Variants in MICAL3 observed in about 807,000 individuals in gnomAD.
The protein encoded by MICAL3 is [F-actin]-monooxygenase MICAL3.
MICAL3 carries 62 observed loss-of-function variants against 207.4 expected under a neutral mutation model. The observed-to-expected ratio is 0.30, with a 90% CI of 0.24 to 0.37. MICAL3 has a LOEUF of 0.37. Among genes scored for constraint, MICAL3 ranks in the 10% least tolerant of loss-of-function variants. The probability of loss-of-function intolerance (pLI) is 1.00; values close to 1 mark genes in which losing one functional copy is unlikely to be tolerated. For synonymous variants in MICAL3, 1,077 were observed against 1,069.3 expected, an observed-to-expected ratio of 1.01 and a Z score of -0.14; for missense variants, 2,368 against 2,635.6, an observed-to-expected ratio of 0.90 and a Z score of 2.22.
At chr22:17,906,923 C>T (rs1245682452) in intron 1 of MICAL3, 37 bp from the exon 2 acceptor site, 5 of 1,094,334 alleles carry the variant, frequency 4.6e-6, no homozygotes, top group African/African-American at 3.1e-5. Context: ...TAGCATTTCT[C>T]TGTCTACAAA....
chr22:17,790,527 A>G lies in MICAL3; in HGVS notation c.*205T>C, dbSNP rs373401983. 8 of 585,442 alleles carry G rather than the reference A, an allele frequency of 1.4e-5. No homozygotes were observed. Among genetic ancestry groups the G allele is most frequent in the African/African-American group, 5.6e-5 (3 of 53,800 alleles). 36.3% of individuals were successfully genotyped at this position (585,442 alleles called of 1,614,324 possible). ...GGGAGGTCCAGGTGGGCCTCCTCCC[A>G]GGAGGTGGAGCCGTCTCAGATAACC... On this transcript the variant is annotated 3_prime_UTR_variant, in exon 32 of 32. Transcript: ENST00000441493.
At chr22:18,018,432 T>G (rs1482375745) in intron 1 of MICAL3, among the ~76,000 whole-genome samples, 1 of 152,260 alleles carries the variant, frequency 6.6e-6, no homozygotes, top group Non-Finnish European at 1.5e-5. Flanking sequence ...AACAAAAATA[T>G]ACATATACAG....
chr22:17,997,917 C>T (rs1439045939), intron 1 of MICAL3, among the ~76,000 whole-genome samples: 1 of 143,916 alleles, frequency 6.9e-6, no homozygotes, highest in East Asian at 1.9e-4. Context: ...ATCTTTAAGT[C>T]CTTCCGCTTC....
chr22:17,939,835 C>A (rs551183292), intron 1 of MICAL3, among the ~76,000 whole-genome samples: 1 of 152,298 alleles, frequency 6.6e-6, no homozygotes, highest in African/African-American at 2.4e-5. Flanking sequence ...CCAAAAAGAG[C>A]TACTCTACGC....
chr22:17,996,301 G>A (rs920627398), intron 1 of MICAL3, among the ~76,000 whole-genome samples: 3 of 151,736 alleles, frequency 2.0e-5, no homozygotes, highest in East Asian at 1.9e-4. Context: ...AAAATTAGCC[G>A]GGCATGGTGG....
chr22:17,794,427 G>A (rs2061854824), intron 29 of MICAL3, among the ~76,000 whole-genome samples: 1 of 152,280 alleles, frequency 6.6e-6, no homozygotes, highest in African/African-American at 2.4e-5. Flanking sequence ...GACAAGTGCA[G>A]GGCAAGGAGG....
At chr22:17,969,468 G>A (rs943376379) in intron 1 of MICAL3, among the ~76,000 whole-genome samples, 3 of 152,272 alleles carry the variant, frequency 2.0e-5, no homozygotes, top group African/African-American at 7.2e-5. Flanking sequence ...TGGAATGACA[G>A]TGTCCATCTG....
chr22:17,996,125 G>A (rs1922246520), intron 1 of MICAL3, among the ~76,000 whole-genome samples: 1 of 114,524 alleles, frequency 8.7e-6, no homozygotes, highest in African/African-American at 3.5e-5. Flanking sequence ...GTGAGATGCT[G>A]TCTCAATTTA....
chr22:18,007,850 G>C (rs985204391), intron 1 of MICAL3, among the ~76,000 whole-genome samples: 5 of 149,908 alleles, frequency 3.3e-5, no homozygotes, highest in African/African-American at 2.5e-5. Context: ...GTGAACCCGG[G>C]GGGTGGAGCT....
At chr22:17,973,973 C>T (rs1935528591) in intron 1 of MICAL3, among the ~76,000 whole-genome samples, 1 of 152,126 alleles carries the variant, frequency 6.6e-6, no homozygotes, top group Non-Finnish European at 1.5e-5. Context: ...GTCCCCTGAG[C>T]TCCTCCTCCT....
At chr22:17,836,066 C>T (rs559831925) in intron 20 of MICAL3, among the ~76,000 whole-genome samples, 47 of 152,284 alleles carry the variant, frequency 3.1e-4, no homozygotes, top group African/African-American at 1.1e-3. Flanking sequence ...TACCCAGCTA[C>T]TCAACTCAAA....
chr22:17,978,025 A>G (rs1935734880), intron 1 of MICAL3, among the ~76,000 whole-genome samples: 1 of 150,590 alleles, frequency 6.6e-6, no homozygotes, highest in South Asian at 2.1e-4. Context: ...TCTGTCTCAT[A>G]AAAAATAAAT....
chr22:17,860,712 T>C, intron 19 of MICAL3: 2 of 985,404 alleles, frequency 2.0e-6, no homozygotes, highest in Non-Finnish European at 2.4e-6. Flanking sequence ...AGCAGCCCCC[T>C]GCGTTCCTAG....
chr22:17,898,153 TTCTAGAC>T (rs1931012454), intron 7 of MICAL3, among the ~76,000 whole-genome samples: 3 of 151,714 alleles, frequency 2.0e-5, no homozygotes, highest in Non-Finnish European at 2.9e-5. Context: ...TCTCTTGGCA[TTCTAGAC>T]TGCTCCTATC....
intron 16 of MICAL3, chr22:17,875,633 T>C: frequency 2.5e-6 from 2 of 800,230 alleles, no homozygotes; most frequent in Non-Finnish European, 2.0e-6. Flanking sequence ...GAACATAAGA[T>C]GGTTGTAGAG....
intron 1 of MICAL3, among the ~76,000 whole-genome samples, chr22:18,009,103 T>C (rs1039245090): frequency 3.4e-5 from 5 of 148,634 alleles, no homozygotes; most frequent in Non-Finnish European, 6.0e-5. Context: ...GATGGGACTA[T>C]GCAGAAGAAA....
intron 1 of MICAL3, among the ~76,000 whole-genome samples, chr22:17,954,519 G>A (rs1934518695): frequency 6.6e-6 from 1 of 152,110 alleles, no homozygotes; most frequent in African/African-American, 2.4e-5. Flanking sequence ...AGGGTTTCTG[G>A]CTAAACCAAC....
chr22:17,908,559 G>A (rs1030874492), intron 1 of MICAL3, among the ~76,000 whole-genome samples: 6 of 152,176 alleles, frequency 3.9e-5, no homozygotes, highest in South Asian at 4.1e-4. Context: ...TGCCCGCCTC[G>A]GCCTCCCAAA....
intron 1 of MICAL3, among the ~76,000 whole-genome samples, chr22:17,998,155 T>G (rs1030504186): frequency 6.6e-6 from 1 of 152,044 alleles, no homozygotes; most frequent in Admixed American, 6.6e-5. Flanking sequence ...ATACAAAAAA[T>G]TAGCAGGGCG....
Sources: gnomAD v4.1 joint callset for allele counts (sites outside exome capture counted in the v4.1 genomes callset) on GRCh38, gnomAD v4.1.1 for gene constraint, MANE v1.5 for transcripts, NCBI Gene and HGNC (gene_info 2026-07-23, HGNC 2026-07-21) for gene names.